NPAS3: variants seen among roughly 807,000 people sequenced by gnomAD.
NPAS3 encodes neuronal PAS domain-containing protein 3.
NPAS3 carries 14 observed loss-of-function variants against 73.1 expected under a neutral mutation model. The observed-to-expected ratio is 0.19, with a 90% CI of 0.13 to 0.30. NPAS3 has a LOEUF of 0.30. Ranked by LOEUF, NPAS3 falls within the 10% of genes least tolerant of loss-of-function variation. NPAS3 has a pLI of 1.00. For missense variants in NPAS3, 1,096 were observed against 1,250.0 expected, an observed-to-expected ratio of 0.88 and a Z score of 1.86; for synonymous variants, 620 against 541.5, an observed-to-expected ratio of 1.14 and a Z score of -2.01.
intron 2 of NPAS3, among the ~76,000 whole-genome samples, chr14:33,092,125 A>T (rs1336355661): frequency 6.6e-6 from 1 of 152,176 alleles, no homozygotes; most frequent in Non-Finnish European, 1.5e-5. Flanking sequence ...GGCCAGGGCA[A>T]TCAGGCAGGA....
At chr14:33,566,042 A>G (rs1453250240) in intron 5 of NPAS3, among the ~76,000 whole-genome samples, 1 of 152,162 alleles carries the variant, frequency 6.6e-6, no homozygotes, top group African/African-American at 2.4e-5. Context: ...GCCCTTTTGA[A>G]TGTGGAAGCT....
intron 6 of NPAS3, among the ~76,000 whole-genome samples, chr14:33,703,176 T>G (rs1303813480): frequency 6.6e-6 from 1 of 152,176 alleles, no homozygotes; most frequent in Non-Finnish European, 1.5e-5. Flanking sequence ...CATGTTCTAA[T>G]GAATAGCGTT....
At chr14:33,408,480 C>T (rs2047767145) in intron 4 of NPAS3, among the ~76,000 whole-genome samples, 1 of 152,012 alleles carries the variant, frequency 6.6e-6, no homozygotes, top group South Asian at 2.1e-4. Flanking sequence ...AACAGCCAAA[C>T]ATCCTTTTAT....
At chr14:33,041,474 CT>C (rs1349115599) in intron 1 of NPAS3, among the ~76,000 whole-genome samples, 1 of 152,118 alleles carries the variant, frequency 6.6e-6, no homozygotes, top group African/African-American at 2.4e-5. Context: ...CTGTCATATT[CT>C]TTTTCCAATT....
intron 4 of NPAS3, among the ~76,000 whole-genome samples, chr14:33,393,843 TG>T (rs1204278258): frequency 6.6e-6 from 1 of 152,176 alleles, no homozygotes; most frequent in African/African-American, 2.4e-5. Flanking sequence ...ATTGCTCCTA[TG>T]GAAACCTCAC....
intron 2 of NPAS3, among the ~76,000 whole-genome samples, chr14:33,184,974 G>A (rs2045930996): frequency 2.0e-5 from 3 of 152,116 alleles, no homozygotes. Flanking sequence ...ATCCTCAAAT[G>A]TCTTGTGACT....
intron 3 of NPAS3, among the ~76,000 whole-genome samples, chr14:33,249,907 T>TACACACACAC (rs369565240): frequency 1.4e-5 from 2 of 146,978 alleles, no homozygotes; most frequent in African/African-American, 5.0e-5. Flanking sequence ...AAATCTGTCA[T>TACACACACAC]ACACACACAC....
chr14:33,800,972 G>C lies in NPAS3; in HGVS notation c.2665G>C (p.Val889Leu), dbSNP rs2063697826. 1.3e-6 allele frequency: 2 copies of C among 1,595,236 alleles called. No individual in the cohort carries two copies. The highest frequency in any genetic ancestry group is 1.7e-6 in the Non-Finnish European group (2 of 1,171,724). Residue 889 changes from valine to leucine, a missense_variant, in exon 12 of 12, where the codon GTG becomes CTG. Val to Leu is a conservative substitution (Grantham distance 32). Transcript: ENST00000356141. The surrounding 1 kb of genome is among the most constrained non-coding windows in gnomAD (Gnocchi z 6.5). ...CATGTCAGGACCGTTCGGCGGCGCAGTGAGCGCAGCTAGCCTGACGCAGAT... is the reference window on the plus strand; with the variant it reads ...CATGTCAGGACCGTTCGGCGGCGCACTGAGCGCAGCTAGCCTGACGCAGAT...
intron 4 of NPAS3, among the ~76,000 whole-genome samples, chr14:33,377,831 G>A (rs1366771274): frequency 3.3e-5 from 5 of 152,172 alleles, no homozygotes; most frequent in African/African-American, 9.6e-5. Context: ...TTCTAGAAAA[G>A]TGAAACAGTA....
At chr14:33,343,372 C>G (rs142710864) in intron 3 of NPAS3, among the ~76,000 whole-genome samples, 13 of 152,294 alleles carry the variant, frequency 8.5e-5, no homozygotes, top group African/African-American at 2.9e-4. Context: ...ATTCTCATTT[C>G]TATTTCCAGA....
At chr14:32,967,173 A>G (rs2037209900) in intron 1 of NPAS3, among the ~76,000 whole-genome samples, 1 of 152,148 alleles carries the variant, frequency 6.6e-6, no homozygotes, top group Non-Finnish European at 1.5e-5. Context: ...CAGCCTACTC[A>G]ATGAAAAGAT....
intron 5 of NPAS3, among the ~76,000 whole-genome samples, chr14:33,619,597 G>T (rs763200655): frequency 6.6e-6 from 1 of 152,164 alleles, no homozygotes; most frequent in Non-Finnish European, 1.5e-5. Flanking sequence ...GTGTGTATAC[G>T]TGCACACACG....
intron 4 of NPAS3, among the ~76,000 whole-genome samples, chr14:33,419,390 C>T (rs2048283878): frequency 6.6e-6 from 1 of 151,756 alleles, no homozygotes; most frequent in African/African-American, 2.4e-5. Context: ...TAGAGGCATG[C>T]TTTGACATTG....
chr14:33,741,363 T>C (rs2061651342), intron 7 of NPAS3, among the ~76,000 whole-genome samples: 1 of 152,224 alleles, frequency 6.6e-6, no homozygotes, highest in Admixed American at 6.5e-5. Flanking sequence ...TCTAAGGCTA[T>C]GCATTTATTG....
chr14:33,562,887 G>T, intron 5 of NPAS3, among the ~76,000 whole-genome samples: 1 of 85,234 alleles, frequency 1.2e-5, no homozygotes, highest in South Asian at 3.6e-4. Context: ...TTAAGCATTT[G>T]TTCTTTTATG....
chr14:33,343,608 A>G (rs527894119), intron 3 of NPAS3, among the ~76,000 whole-genome samples: 4 of 152,176 alleles, frequency 2.6e-5, no homozygotes, highest in Non-Finnish European at 1.5e-5. Context: ...CTTCGGATTC[A>G]GCTCCTTAAA....
chr14:33,377,973 G>A (rs540221632), intron 4 of NPAS3, among the ~76,000 whole-genome samples: 1 of 152,308 alleles, frequency 6.6e-6, no homozygotes, highest in South Asian at 2.1e-4. Flanking sequence ...TATGAGTAGA[G>A]AAGAGCAATA....
chr14:33,486,336 G>A (rs1480553728), intron 4 of NPAS3, among the ~76,000 whole-genome samples: 1 of 152,018 alleles, frequency 6.6e-6, no homozygotes, highest in Non-Finnish European at 1.5e-5. Context: ...TTTTCCTTCA[G>A]CTTTTCTCAG....
At chr14:33,112,507 T>C (rs1397822981) in intron 2 of NPAS3, among the ~76,000 whole-genome samples, 2 of 152,146 alleles carry the variant, frequency 1.3e-5, no homozygotes, top group Admixed American at 6.5e-5. Context: ...GCCCAGTTTT[T>C]GATGGGGTTG....
Sources: gnomAD v4.1 joint callset for allele counts (sites outside exome capture counted in the v4.1 genomes callset) on GRCh38, gnomAD v4.1.1 for gene constraint, Gnocchi (gnomAD v3.1) non-coding constraint, MANE v1.5 for transcripts, NCBI Gene and HGNC (gene_info 2026-07-23, HGNC 2026-07-21) for gene names.